Variants in DRC7 observed in about 807,000 individuals in gnomAD.
The protein encoded by DRC7 is dynein regulatory complex subunit 7.
DRC7 carries 80 observed loss-of-function variants against 104.4 expected under a neutral mutation model. The observed-to-expected ratio is 0.77, with a 90% confidence interval of 0.64 to 0.92. The LOEUF (loss-of-function observed/expected upper bound fraction) is 0.92. Among genes scored for constraint, DRC7 ranks in the 40% least tolerant of loss-of-function variants. The pLI is 0.00. For synonymous variants in DRC7, 405 were observed against 447.3 expected (o/e 0.91, Z 1.19); for missense variants, 1,034 against 1,141.1 (o/e 0.91, Z 1.35).
rs138112221 is a variant in DRC7 at position 57,724,741 on chromosome 16, G to T, written c.1664G>T (p.Arg555Leu). Residue 555 changes from arginine to leucine, a missense_variant, in exon 13 of 19, where the codon CGC becomes CTC. By Grantham distance (102) the Arg-to-Leu change is moderately radical. Coordinates refer to ENST00000360716, the MANE Select transcript of DRC7 (RefSeq NM_001289162.2). Reference protein sequence around the residue: ...PRTMTEYYQGRPDFLSYRHAS... With the variant: ...PRTMTEYYQGLPDFLSYRHAS... ...ACAATGACAGAGTACTATCAAGGAC[G>T]CCCAGACTTCCTCTCCTACCGCCAT... 6.2e-7 allele frequency: 1 copy of T among 1,613,888 alleles called. No homozygotes were observed. The highest frequency in any genetic ancestry group is 1.1e-5 in the South Asian group (1 of 91,080).
At chr16:57,708,132 A>C (rs544024177) in intron 8 of DRC7, among the ~76,000 whole-genome samples, 12 of 152,278 alleles carry the variant, frequency 7.9e-5, no homozygotes, top group Non-Finnish European at 1.8e-4. Context: ...TGGCACTGGT[A>C]CACACACGCG....
At chr16:57,704,743 A>T in intron 6 of DRC7, 133 bp from the exon 7 acceptor site, 1 of 957,786 alleles carries the variant, frequency 1.0e-6, no homozygotes, top group East Asian at 2.6e-5. Flanking sequence ...TAGAGCCAGA[A>T]AGGCCACAGG....
chr16:57,727,043 C>A, intron 15 of DRC7, 101 bp downstream of exon 15: 1 of 767,952 alleles, frequency 1.3e-6, no homozygotes, highest in Non-Finnish European at 2.2e-6. Flanking sequence ...GCAATTATGG[C>A]TCTACATCCC....
intron 12 of DRC7, among the ~76,000 whole-genome samples, chr16:57,723,640 A>C (rs924560439): frequency 6.6e-6 from 1 of 152,068 alleles, no homozygotes; most frequent in Non-Finnish European, 1.5e-5. Context: ...AGGCAGGAGA[A>C]TCACTTGAAC....
In DRC7 at chr16:57,713,313, A is replaced by C. The variant is rs1003282175; in HGVS notation, c.1078-5034A>C. On this transcript the variant is annotated intron_variant, in intron 8 of 18. Transcript: ENST00000360716. ...CTGATTTTCTGCCTACATTTCTTTCAATTATTGACAACATTATTGAAATGT... is the reference window on the plus strand; with the variant it reads ...CTGATTTTCTGCCTACATTTCTTTCCATTATTGACAACATTATTGAAATGT... Among the ~76,000 whole-genome samples the C allele has an allele frequency of 4.6e-5, 7 of 152,180 alleles. No homozygotes were observed. The East Asian group carries it at 9.6e-4, about 21-fold the overall frequency.
chr16:57,726,304 G>A (rs1367378525), intron 14 of DRC7, 21 bp downstream of exon 14: 1 of 1,598,562 alleles, frequency 6.3e-7, no homozygotes, highest in Non-Finnish European at 8.6e-7. Flanking sequence ...GGGCCACGGC[G>A]GGCAGGGGTC....
chr16:57,698,995 C>T lies in DRC7; in HGVS notation c.349C>T (p.Leu117=). Residue 117 remains leucine (L), a synonymous_variant, in exon 4 of 19, where the codon CTG becomes TTG. Transcript: ENST00000360716. ...HLCPDRVPLF[L]HPLNECEVPK... ...GTGCCCGGACCGCGTGCCCCTCTTC[C>T]TGCACCCCCTGAACGAGTGTGAAGT... is the stretch of plus-strand genomic sequence containing the variant. The T allele has an allele frequency of 1.2e-6, 2 of 1,614,178 alleles. No homozygotes were observed. The highest frequency in any genetic ancestry group is 1.7e-6 in the Non-Finnish European group (2 of 1,180,014).
At chr16:57,703,475 C>T (rs557857479) in intron 6 of DRC7, among the ~76,000 whole-genome samples, 49 of 152,270 alleles carry the variant, frequency 3.2e-4, no homozygotes, top group Non-Finnish European at 6.2e-4. Context: ...GATGGGGATC[C>T]AGGGACCTGA....
intron 8 of DRC7, among the ~76,000 whole-genome samples, chr16:57,717,782 C>G (rs1290400335): frequency 1.3e-5 from 2 of 152,084 alleles, no homozygotes; most frequent in Non-Finnish European, 2.9e-5. Flanking sequence ...CTCAAGTGAT[C>G]CTTCTGTGTT....
intron 4 of DRC7, 120 bp downstream of exon 4, chr16:57,699,144 G>C (rs2048630880): frequency 1.6e-6 from 2 of 1,223,436 alleles, no homozygotes; most frequent in Admixed American, 2.2e-5. Flanking sequence ...CTGTGGGCCA[G>C]AGCGCTTCTA....
Position 57,697,951 on chromosome 16 carries a change from TGGAGGTCCTGAG to T in DRC7, c.7_18del (p.ValLeuArgGlu3_?6). The T allele has an allele frequency of 6.2e-7, 1 of 1,610,800 alleles. No individual in the cohort carries two copies. Among genetic ancestry groups the T allele is most frequent in the Non-Finnish European group, 8.5e-7 (1 of 1,179,054 alleles). On this transcript the variant is annotated start_lost and inframe_deletion, in exon 3 of 19. Transcript: ENST00000360716. ...CCAGACACCCAGAGACGCTCCAGAATGGAGGTCCTGAGGGAGAAGGTGGAGGAGGAGGAGGAG... is the reference window on the plus strand; with the variant it reads ...CCAGACACCCAGAGACGCTCCAGAATGGAGAAGGTGGAGGAGGAGGAGGAG...
Position 57,701,665 on chromosome 16 carries a change from A to G in DRC7, c.505-271A>G, listed in dbSNP as rs547441204. On this transcript the variant is annotated intron_variant, in intron 5 of 18. Coordinates refer to ENST00000360716, the MANE Select transcript of DRC7 (RefSeq NM_001289162.2). ...GTAAACTTACCAGTCAGAGGGCATT[A>G]GATCAGACACTCCTACAGTCCAGAA... 9 of 398,264 alleles carry G rather than the reference A, an allele frequency of 2.3e-5. No homozygotes were observed. The Admixed American group carries it at 3.2e-4, about 14-fold the overall frequency. The allele number at this position is 398,264 out of a possible 1,614,324, so 24.7% of individuals were successfully genotyped here.
At chr16:57,709,629 G>T (rs1232566525) in intron 8 of DRC7, among the ~76,000 whole-genome samples, 2 of 151,680 alleles carry the variant, frequency 1.3e-5, no homozygotes, top group African/African-American at 2.4e-5. Context: ...TAGACTGATT[G>T]TGTTCCCCCC....
At chr16:57,699,152 C>A in intron 4 of DRC7, 128 bp downstream of exon 4, 1 of 1,130,940 alleles carries the variant, frequency 8.8e-7, no homozygotes, top group Non-Finnish European at 1.3e-6. Flanking sequence ...CAGAGCGCTT[C>A]TAGTCTGGGG....
intron 10 of DRC7, among the ~76,000 whole-genome samples, chr16:57,722,261 G>C (rs372400480): frequency 1.0e-3 from 156 of 152,300 alleles, no homozygotes; most frequent in African/African-American, 3.5e-3. Flanking sequence ...GAACCCAGAG[G>C]GGGGCGCACC....
At chr16:57,714,283 C>T (rs2048818309) in intron 8 of DRC7, 1 of 188,824 alleles carries the variant, frequency 5.3e-6, no homozygotes, top group South Asian at 9.2e-5. Context: ...TAGGCAACAT[C>T]ATTTCTTTAT....
At chr16:57,718,243 G>A (rs1185731041) in intron 8 of DRC7, 104 bp from the exon 9 acceptor site, 2 of 1,455,802 alleles carry the variant, frequency 1.4e-6, no homozygotes, top group East Asian at 4.7e-5. Context: ...CTGGGCCCAG[G>A]TCCCTTCTCT....
intron 5 of DRC7, chr16:57,701,302 G>A (rs1400426957): frequency 6.6e-6 from 1 of 152,502 alleles, no homozygotes; most frequent in Non-Finnish European, 1.5e-5. Flanking sequence ...CCAGGCTCAG[G>A]GTACAGCCTC....
chr16:57,722,096 C>G (rs2048909517), intron 10 of DRC7, among the ~76,000 whole-genome samples: 1 of 152,208 alleles, frequency 6.6e-6, no homozygotes, highest in African/African-American at 2.4e-5. Context: ...CGGGGGGTCT[C>G]AGGACCGGAG....
Sources: gnomAD v4.1 joint callset for allele counts (sites outside exome capture counted in the v4.1 genomes callset) on GRCh38, gnomAD v4.1.1 for gene constraint, MANE v1.5 for transcripts, NCBI Gene and HGNC (gene_info 2026-07-23, HGNC 2026-07-21) for gene names.